SYT1: variants seen among roughly 807,000 people sequenced by gnomAD.
SYT1 encodes the protein synaptotagmin-1.
In SYT1, 8 loss-of-function variants were observed where a neutral mutation model predicts 44.8. The ratio of observed to expected loss-of-function variants is 0.18; its 90% CI spans 0.10 to 0.32. SYT1 has a LOEUF of 0.32. Ranked by LOEUF, SYT1 falls within the 10% of genes least tolerant of loss-of-function variation. The pLI is 1.00. For missense variants in SYT1, 286 were observed against 509.3 expected, an observed-to-expected ratio of 0.56 and a Z score of 4.22; for synonymous variants, 154 against 188.8, an observed-to-expected ratio of 0.82 and a Z score of 1.51.
At chr12:79,241,529 G>C (rs931870712) in intron 4 of SYT1, among the ~76,000 whole-genome samples, 4 of 152,202 alleles carry the variant, frequency 2.6e-5, no homozygotes, top group African/African-American at 9.6e-5. Context: ...AAAGTGCTGG[G>C]ATTACAGGCA....
intron 3 of SYT1, among the ~76,000 whole-genome samples, chr12:79,106,480 G>C (rs1878724815): frequency 6.7e-6 from 1 of 149,172 alleles, no homozygotes; most frequent in Non-Finnish European, 1.5e-5. Context: ...GCAAACAACT[G>C]ATTTAAAAAT....
intron 3 of SYT1, among the ~76,000 whole-genome samples, chr12:79,082,576 A>G (rs1459779896): frequency 6.6e-6 from 1 of 152,196 alleles, no homozygotes; most frequent in African/African-American, 2.4e-5. Context: ...TGTGTTACGA[A>G]GAAAATAAGT....
intron 2 of SYT1, among the ~76,000 whole-genome samples, chr12:78,994,534 ATTTTTTTT>A (rs1158976321): frequency 1.8e-5 from 1 of 55,584 alleles, no homozygotes; most frequent in Non-Finnish European, 3.3e-5. Context: ...TGTTCTGAGG[ATTTTTTTT>A]TTTTTTTTTT....
chr12:78,899,032 C>G (rs1039801495), intron 1 of SYT1, among the ~76,000 whole-genome samples: 5 of 152,070 alleles, frequency 3.3e-5, no homozygotes, highest in Admixed American at 6.6e-5. Flanking sequence ...TTGCTCAACA[C>G]TGGCATGACT....
chr12:79,179,658 G>T (rs1008196208), intron 3 of SYT1, among the ~76,000 whole-genome samples: 7 of 151,618 alleles, frequency 4.6e-5, no homozygotes, highest in African/African-American at 1.7e-4. Flanking sequence ...GACCTCAGGT[G>T]ATCAGCCCAC....
intron 9 of SYT1, among the ~76,000 whole-genome samples, chr12:79,421,085 AC>A (rs1445965430): frequency 6.6e-6 from 1 of 152,130 alleles, no homozygotes; most frequent in Non-Finnish European, 1.5e-5. Context: ...TATTGTTAGT[AC>A]TTTCAAAGTA....
At chr12:79,425,132 C>A (rs1009725960) in intron 9 of SYT1, among the ~76,000 whole-genome samples, 26 of 151,944 alleles carry the variant, frequency 1.7e-4, no homozygotes, top group African/African-American at 6.3e-4. Flanking sequence ...TGTATTATGG[C>A]ATTTTTATAT....
chr12:79,430,947 A>G (rs1240513262), intron 9 of SYT1, among the ~76,000 whole-genome samples: 1 of 152,242 alleles, frequency 6.6e-6, no homozygotes, highest in Non-Finnish European at 1.5e-5. Flanking sequence ...TGGCTGAAAG[A>G]TAAATACCTG....
At chr12:78,928,664 C>T (rs982511350) in intron 1 of SYT1, among the ~76,000 whole-genome samples, 8 of 152,048 alleles carry the variant, frequency 5.3e-5, no homozygotes, top group African/African-American at 1.9e-4. Context: ...GAGACGGATA[C>T]TAAGTGACTC....
intron 1 of SYT1, among the ~76,000 whole-genome samples, chr12:78,974,260 C>T (rs1868647937): frequency 6.6e-6 from 1 of 151,094 alleles, no homozygotes; most frequent in African/African-American, 2.4e-5. Flanking sequence ...GCTTATGAGA[C>T]CATCATCTTA....
At chr12:79,176,828 G>T (rs1465416493) in intron 3 of SYT1, among the ~76,000 whole-genome samples, 1 of 151,700 alleles carries the variant, frequency 6.6e-6, no homozygotes, top group African/African-American at 2.4e-5. Context: ...AAACCTTAGG[G>T]TTTACAACCC....
intron 9 of SYT1, among the ~76,000 whole-genome samples, chr12:79,439,080 CT>C (rs1244207156): frequency 6.6e-6 from 1 of 152,184 alleles, no homozygotes; most frequent in African/African-American, 2.4e-5. Flanking sequence ...GATTCCTTTT[CT>C]CTAATTCCTC....
At chr12:79,075,427 A>AT (rs1210211284) in intron 3 of SYT1, among the ~76,000 whole-genome samples, 1 of 152,152 alleles carries the variant, frequency 6.6e-6, no homozygotes, top group Non-Finnish European at 1.5e-5. Flanking sequence ...TCTGTCTCTA[A>AT]AGCTTGATGA....
At chr12:78,880,508 A>G (rs1874395121) in intron 1 of SYT1, among the ~76,000 whole-genome samples, 1 of 151,530 alleles carries the variant, frequency 6.6e-6, no homozygotes, top group Admixed American at 6.6e-5. Context: ...ATGATAACAG[A>G]GATTTTTATA....
chr12:79,312,412 C>T (rs1349982330), intron 8 of SYT1, among the ~76,000 whole-genome samples: 3 of 152,130 alleles, frequency 2.0e-5, no homozygotes, highest in Admixed American at 2.0e-4. Flanking sequence ...GAAGTTCTTC[C>T]ATTTGAAAAA....
chr12:79,264,766 C>T (rs1220599400), intron 4 of SYT1, among the ~76,000 whole-genome samples: 2 of 152,144 alleles, frequency 1.3e-5, no homozygotes, highest in African/African-American at 2.4e-5. Context: ...TCTAATGCTG[C>T]TTGCATTATT....
At chr12:79,228,842 C>T (rs569982348) in intron 4 of SYT1, among the ~76,000 whole-genome samples, 5 of 152,318 alleles carry the variant, frequency 3.3e-5, no homozygotes, top group Admixed American at 2.6e-4. Context: ...CCTGGATTCC[C>T]CTTCCCCAGT....
At chr12:79,269,407 C>T (rs1301937794) in intron 4 of SYT1, among the ~76,000 whole-genome samples, 2 of 152,076 alleles carry the variant, frequency 1.3e-5, no homozygotes. Context: ...TTTCTAAGCT[C>T]CTAGGGAAAG....
chr12:79,293,401 A>AAATT (rs1879723249), intron 6 of SYT1, among the ~76,000 whole-genome samples: 1 of 59,116 alleles, frequency 1.7e-5, no homozygotes, highest in South Asian at 9.0e-4. Flanking sequence ...AAAATAAAAT[A>AAATT]AAATAAAATT....
Sources: allele counts gnomAD v4.1 joint callset (sites outside exome capture counted in the v4.1 genomes callset), GRCh38; gene constraint gnomAD v4.1.1; transcripts MANE v1.5; gene names NCBI Gene and HGNC (gene_info 2026-07-23, HGNC 2026-07-21).